The following RORA variants were observed in gnomAD, a reference collection of about 807,000 sequenced individuals.
The protein encoded by RORA is RAR related orphan receptor A.
RORA carries 7 observed loss-of-function variants against 69.5 expected under a neutral mutation model. The observed-to-expected ratio is 0.10, with a 90% CI of 0.06 to 0.19. The LOEUF is 0.19. Among genes scored for constraint, RORA ranks in the 10% least tolerant of loss-of-function variants. RORA has a pLI of 1.00. For synonymous variants in RORA, 261 were observed against 240.8 expected (o/e 1.08, Z -0.78); for missense variants, 457 against 663.0 (o/e 0.69, Z 3.41).
chr15:61,126,785 A>G (rs935499724), intron 1 of RORA, among the ~76,000 whole-genome samples: 2 of 152,226 alleles, frequency 1.3e-5, no homozygotes, highest in Non-Finnish European at 2.9e-5. Context: ...TTGGAACTCC[A>G]TGAGCCTGCG....
intron 1 of RORA, among the ~76,000 whole-genome samples, chr15:61,127,531 T>C (rs1486656756): frequency 2.0e-5 from 3 of 152,138 alleles, no homozygotes; most frequent in Non-Finnish European, 4.4e-5. Flanking sequence ...GGCAGTCACA[T>C]CCCCTCTACC....
At chr15:60,762,496 T>C (rs1340924072) in intron 1 of RORA, among the ~76,000 whole-genome samples, 1 of 152,094 alleles carries the variant, frequency 6.6e-6, no homozygotes. Flanking sequence ...GAGGACATAT[T>C]ACAGCCAACT....
At chr15:61,024,113 G>C (rs1226691645) in intron 1 of RORA, among the ~76,000 whole-genome samples, 2 of 151,992 alleles carry the variant, frequency 1.3e-5, no homozygotes, top group Admixed American at 1.3e-4. Context: ...AAGAGAGAGA[G>C]GTAGTAATTC....
intron 1 of RORA, among the ~76,000 whole-genome samples, chr15:60,986,564 G>T (rs755855341): frequency 5.3e-5 from 8 of 152,162 alleles, no homozygotes; most frequent in Non-Finnish European, 1.2e-4. Flanking sequence ...TTTGGCCATG[G>T]GAGCTTTAGA....
At chr15:60,570,650 C>G (rs2067852898) in intron 2 of RORA, among the ~76,000 whole-genome samples, 1 of 152,128 alleles carries the variant, frequency 6.6e-6, no homozygotes, top group Admixed American at 6.5e-5. Flanking sequence ...GCGCCTGGCC[C>G]ATGGACAGTT....
intron 1 of RORA, among the ~76,000 whole-genome samples, chr15:60,721,134 G>A (rs2071288237): frequency 6.6e-6 from 1 of 152,178 alleles, no homozygotes; most frequent in South Asian, 2.1e-4. Flanking sequence ...TAAAGGTCAT[G>A]GAATGAGTCA....
intron 1 of RORA, among the ~76,000 whole-genome samples, chr15:60,856,683 C>T (rs1242240883): frequency 6.6e-6 from 1 of 152,160 alleles, no homozygotes; most frequent in Non-Finnish European, 1.5e-5. Flanking sequence ...TGACTCCTGG[C>T]AACTGCATGT....
rs115733759 is a variant in RORA at position 60,989,912 on chromosome 15, A to G, written c.166+239141T>C. 5.9e-3 allele frequency among the ~76,000 whole-genome samples: 897 copies of G among 152,090 alleles called. 7 individuals carry two copies. Among genetic ancestry groups the G allele is most frequent in the African/African-American group, 0.021 (852 of 41,486 alleles). On this transcript the variant is annotated intron_variant, in intron 1 of 10. Transcript: ENST00000335670. ...CTTCTTTTACTTTTGTTTTTATAAG[A>G]AAAGTAGTCCATTCACAGGTCCACC...
rs536421254 is a variant in RORA, at chr15:60,498,365, A to G, written c.1408-746T>C. Among the ~76,000 whole-genome samples the G allele has an allele frequency of 4.6e-5, 7 of 152,288 alleles. No homozygotes were observed. The South Asian group carries it at 1.5e-3, about 32-fold the overall frequency. On this transcript the variant is annotated intron_variant, in intron 10 of 10. Coordinates refer to ENST00000335670, the MANE Select transcript of RORA (RefSeq NM_134261.3). ...AGTGAAGGCACTGCAACTGGAAGTG[A>G]TGGCATCCTCTACACATTTTATCCA...
intron 1 of RORA, among the ~76,000 whole-genome samples, chr15:60,699,932 A>C (rs1432705773): frequency 3.9e-5 from 6 of 151,936 alleles, no homozygotes; most frequent in Non-Finnish European, 8.8e-5. Context: ...TCATTTGCTG[A>C]TTTCAGACAA....
At chr15:61,168,878 C>G (rs1365994142) in intron 1 of RORA, among the ~76,000 whole-genome samples, 1 of 152,162 alleles carries the variant, frequency 6.6e-6, no homozygotes, top group African/African-American at 2.4e-5. Flanking sequence ...AAGTCTCTGA[C>G]AGCCTAAATG....
At position 60,625,134 on chromosome 15, in the gene RORA, G is replaced by C. The variant is rs1275835674; in HGVS notation, c.196+53523C>G. ...AGCTTTTCAACCAAGCTCCAATGGA[G>C]AGAGGGCAAGGGATTGTGGGTGTGC... On this transcript the variant is annotated intron_variant, in intron 2 of 10. Transcript: ENST00000335670. 2.6e-5 allele frequency among the ~76,000 whole-genome samples: 4 copies of C among 152,202 alleles called. 1 individual carries two copies. The highest frequency in any genetic ancestry group is 9.7e-5 in the African/African-American group (4 of 41,444).
At chr15:60,931,384 A>T (rs1273648051) in intron 1 of RORA, among the ~76,000 whole-genome samples, 1 of 152,200 alleles carries the variant, frequency 6.6e-6, no homozygotes, top group Non-Finnish European at 1.5e-5. Context: ...CTCTGGCTCC[A>T]TGGGGAAGCA....
intron 5 of RORA, among the ~76,000 whole-genome samples, chr15:60,509,105 A>C (rs774317545): frequency 2.8e-4 from 42 of 152,310 alleles, no homozygotes; most frequent in Admixed American, 8.5e-4. Flanking sequence ...GTCTTAGTTA[A>C]AGAGATAGCA....
intron 3 of RORA, among the ~76,000 whole-genome samples, chr15:60,515,301 A>AT (rs2065827365): frequency 6.6e-6 from 1 of 152,222 alleles, no homozygotes; most frequent in East Asian, 1.9e-4. Context: ...CAAGCATTAG[A>AT]TAACACTTGG....
At position 60,660,846 on chromosome 15, in the gene RORA, T is replaced by A. The variant is rs1168213607; in HGVS notation, c.196+17811A>T. On this transcript the variant is annotated intron_variant, in intron 2 of 10. Transcript: ENST00000335670. ...TGTCAGAGTGGCTATTTAATTCAGA[T>A]AAAGTAGGCAAGTCCTTATCCCTTT... Among the ~76,000 whole-genome samples, 3 of 152,172 alleles carry A rather than the reference T, an allele frequency of 2.0e-5. No individual in the cohort carries two copies. In the East Asian group the frequency reaches 5.8e-4, roughly 29 times the overall value.
intron 1 of RORA, among the ~76,000 whole-genome samples, chr15:61,199,400 A>T (rs930052567): frequency 6.6e-6 from 1 of 152,212 alleles, no homozygotes; most frequent in Non-Finnish European, 1.5e-5. Flanking sequence ...GGAATCAGAT[A>T]CAGATGTACA....
intron 2 of RORA, among the ~76,000 whole-genome samples, chr15:60,552,370 G>A (rs1166977997): frequency 2.0e-5 from 3 of 152,048 alleles, no homozygotes; most frequent in Non-Finnish European, 4.4e-5. Context: ...CCCTCTCCCC[G>A]CAAGTCACCT....
intron 1 of RORA, among the ~76,000 whole-genome samples, chr15:61,088,030 C>G (rs1482851311): frequency 2.0e-5 from 3 of 152,230 alleles, no homozygotes; most frequent in Non-Finnish European, 2.9e-5. Context: ...AAACCCCACT[C>G]TTGACTTGGT....
Sources: gnomAD v4.1 joint callset for allele counts (sites outside exome capture counted in the v4.1 genomes callset) on GRCh38, gnomAD v4.1.1 for gene constraint, MANE v1.5 for transcripts, NCBI Gene and HGNC (gene_info 2026-07-23, HGNC 2026-07-21) for gene names.